PPM1E: variants seen among roughly 807,000 people sequenced by gnomAD.
PPM1E encodes protein phosphatase 1E.
Under a neutral mutation model 65.9 loss-of-function variants are expected in PPM1E, and 20 were observed. That is an observed-to-expected ratio of 0.30 (90% CI 0.21 to 0.44). The LOEUF (loss-of-function observed/expected upper bound fraction) is 0.44. PPM1E is among the 20% of genes least tolerant of loss of function. The pLI is 1.00. For missense variants in PPM1E, 713 were observed against 953.1 expected, an observed-to-expected ratio of 0.75 and a Z score of 3.32; for synonymous variants, 352 against 374.9, an observed-to-expected ratio of 0.94 and a Z score of 0.70.
intron 1 of PPM1E, among the ~76,000 whole-genome samples, chr17:58,816,014 G>A (rs1209108669): frequency 6.6e-6 from 1 of 151,874 alleles, no homozygotes; most frequent in East Asian, 1.9e-4. Flanking sequence ...GATAGAATGT[G>A]TATAATATTT....
Position 58,824,216 on chromosome 17 carries a change from A to G in PPM1E, c.464+67755A>G, listed in dbSNP as rs369990495. Among the ~76,000 whole-genome samples the G allele has an allele frequency of 1.5e-3, 233 of 152,288 alleles. 9 individuals carry two copies. The South Asian group carries it at 0.048, about 31-fold the overall frequency. The stretch of plus-strand genomic sequence containing the variant: ...ATGTACATAACAATTATCAGTCAAT[A>G]CATTTATTTATATATAATTTAAAAC... On this transcript the variant is annotated intron_variant, in intron 1 of 6. Transcript: ENST00000308249.
At chr17:58,978,572 G>A (rs755502873) in intron 6 of PPM1E, among the ~76,000 whole-genome samples, 2 of 152,230 alleles carry the variant, frequency 1.3e-5, no homozygotes, top group African/African-American at 2.4e-5. Context: ...TTAGCCAGGT[G>A]TGGTGGCGTA....
intron 1 of PPM1E, among the ~76,000 whole-genome samples, chr17:58,828,708 C>T (rs1423495072): frequency 1.3e-5 from 2 of 152,156 alleles, no homozygotes; most frequent in African/African-American, 4.8e-5. Context: ...TGGTGATCCT[C>T]CTGTCTTGGC....
At chr17:58,941,154 C>T (rs148507186) in intron 1 of PPM1E, among the ~76,000 whole-genome samples, 1,731 of 152,198 alleles carry the variant, frequency 0.011, 14 homozygotes, top group Middle Eastern at 0.041. Flanking sequence ...GCGATTTTTA[C>T]AGAGATTAGG....
At chr17:58,795,222 A>G (rs1227354485) in intron 1 of PPM1E, among the ~76,000 whole-genome samples, 1 of 151,996 alleles carries the variant, frequency 6.6e-6, no homozygotes, top group African/African-American at 2.4e-5. Flanking sequence ...AATGTTTTAT[A>G]TTTTGGGGGG....
chr17:58,757,745 A>G (rs1042603359), intron 1 of PPM1E, among the ~76,000 whole-genome samples: 2 of 152,222 alleles, frequency 1.3e-5, no homozygotes, highest in Non-Finnish European at 2.9e-5. Flanking sequence ...AATCTTCCAT[A>G]GAAGTGGACT....
intron 1 of PPM1E, among the ~76,000 whole-genome samples, chr17:58,936,717 T>C (rs2051985685): frequency 6.6e-6 from 1 of 152,210 alleles, no homozygotes; most frequent in African/African-American, 2.4e-5. Flanking sequence ...ATGTGGAATA[T>C]ACTAACAAGT....
intron 1 of PPM1E, among the ~76,000 whole-genome samples, chr17:58,793,833 C>T (rs2050180410): frequency 6.6e-6 from 1 of 152,060 alleles, no homozygotes. Flanking sequence ...TCTATATAAA[C>T]TGTGTATATA....
intron 1 of PPM1E, among the ~76,000 whole-genome samples, chr17:58,805,594 G>A (rs2050297830): frequency 6.6e-6 from 1 of 151,984 alleles, no homozygotes; most frequent in Non-Finnish European, 1.5e-5. Context: ...ATTACTGAAT[G>A]ATGCCATTAT....
intron 1 of PPM1E, among the ~76,000 whole-genome samples, chr17:58,937,690 G>T (rs1427778417): frequency 6.7e-6 from 1 of 149,428 alleles, no homozygotes. Context: ...TCCTGGCCAA[G>T]GTGGTGAAAC....
intron 1 of PPM1E, among the ~76,000 whole-genome samples, chr17:58,799,715 A>G (rs1374499743): frequency 6.6e-6 from 1 of 152,194 alleles, no homozygotes; most frequent in Non-Finnish European, 1.5e-5. Flanking sequence ...AAGTGCTGGG[A>G]TTACAGGCAT....
chr17:58,853,344 A>T (rs1019685656), intron 1 of PPM1E, among the ~76,000 whole-genome samples: 9 of 152,068 alleles, frequency 5.9e-5, no homozygotes, highest in African/African-American at 2.2e-4. Context: ...GTTTTTCCAG[A>T]TCCATTTGTT....
chr17:58,959,839 C>T (rs943704416), intron 2 of PPM1E, among the ~76,000 whole-genome samples: 7 of 151,924 alleles, frequency 4.6e-5, no homozygotes, highest in Non-Finnish European at 1.0e-4. Context: ...AAGTCTATAG[C>T]ACAACTTTTA....
At chr17:58,930,399 G>A (rs1178126039) in intron 1 of PPM1E, among the ~76,000 whole-genome samples, 2 of 152,058 alleles carry the variant, frequency 1.3e-5, no homozygotes, top group Non-Finnish European at 2.9e-5. Flanking sequence ...AGGAGGTCAA[G>A]TCTGTAGTGA....
intron 1 of PPM1E, among the ~76,000 whole-genome samples, chr17:58,850,564 G>A (rs1161766097): frequency 6.6e-6 from 1 of 152,104 alleles, no homozygotes; most frequent in Non-Finnish European, 1.5e-5. Flanking sequence ...ATGAAATTCT[G>A]GGTTGAAAAT....
intron 1 of PPM1E, among the ~76,000 whole-genome samples, chr17:58,789,851 T>G (rs1184906408): frequency 1.3e-5 from 2 of 152,104 alleles, no homozygotes; most frequent in East Asian, 3.9e-4. Context: ...CATTATAGTT[T>G]AGTCCCATAA....
At chr17:58,918,018 G>T (rs1471815960) in intron 1 of PPM1E, among the ~76,000 whole-genome samples, 1 of 152,060 alleles carries the variant, frequency 6.6e-6, no homozygotes, top group African/African-American at 2.4e-5. Context: ...TAAAAGTCAG[G>T]CTGAGATTCT....
chr17:58,922,626 T>TTTA (rs1567875857), intron 1 of PPM1E, among the ~76,000 whole-genome samples: 1 of 152,132 alleles, frequency 6.6e-6, no homozygotes, highest in Non-Finnish European at 1.5e-5. Context: ...AGAATTTTTT[T>TTTA]TTATTATTAT....
intron 1 of PPM1E, among the ~76,000 whole-genome samples, chr17:58,899,866 G>A (rs2051476780): frequency 6.6e-6 from 1 of 152,108 alleles, no homozygotes. Context: ...AGATTTGGTG[G>A]AAATAGCAAG....
Sources: gnomAD v4.1 joint callset for allele counts (sites outside exome capture counted in the v4.1 genomes callset) on GRCh38, gnomAD v4.1.1 for gene constraint, MANE v1.5 for transcripts, NCBI Gene and HGNC (gene_info 2026-07-23, HGNC 2026-07-21) for gene names.